The following LYST variants were observed in gnomAD, a reference collection of about 807,000 sequenced individuals.
LYST encodes lysosomal trafficking regulator, also known as lysosomal-trafficking regulator.
In LYST, 192 loss-of-function variants were observed where a neutral mutation model predicts 413.6. That is an observed-to-expected ratio of 0.46 (90% CI 0.41 to 0.52). The LOEUF (loss-of-function observed/expected upper bound fraction) is 0.52. Ranked by LOEUF, LYST falls within the 20% of genes least tolerant of loss-of-function variation. LYST has a pLI of 0.00. For synonymous variants in LYST, 1,525 were observed against 1,567.3 expected (o/e 0.97, Z 0.64); for missense variants, 3,815 against 4,499.9 (o/e 0.85, Z 4.35).
chr1:235,850,356 A>C (rs533849945), intron 1 of LYST, among the ~76,000 whole-genome samples: 3 of 152,292 alleles, frequency 2.0e-5, no homozygotes, highest in African/African-American at 7.2e-5. Context: ...CTCATCTCTC[A>C]CCTTATACAA....
chr1:235,853,481 T>G (rs1678790229), intron 1 of LYST, among the ~76,000 whole-genome samples: 1 of 150,258 alleles, frequency 6.7e-6, no homozygotes, highest in Non-Finnish European at 1.5e-5. Flanking sequence ...TGTAGAATTG[T>G]GTAAAGAAAA....
At position 235,803,028 on chromosome 1, in the gene LYST, C is replaced by T. The variant is rs1672418313; in HGVS notation, c.3592G>A (p.Gly1198Ser). 1.2e-6 allele frequency: 2 copies of T among 1,613,158 alleles called. No homozygotes were observed. Among genetic ancestry groups the T allele is most frequent in the Non-Finnish European group, 1.7e-6 (2 of 1,179,654 alleles). ...QSAEELSSQP[G>S]DFSEEAEDSQ... The stretch of plus-strand genomic sequence containing the variant: ...TCCTCAGCTTCTTCTGAAAAATCAC[C>T]AGGCTGGGATGACAATTCTTCTGCA... Residue 1198 changes from glycine (G) to serine (S), a missense_variant, in exon 8 of 53, where the codon GGT (glycine) becomes AGT (serine). Transcript: ENST00000389793.
chr1:235,866,057 A>G (rs535577963), intron 1 of LYST, among the ~76,000 whole-genome samples: 2 of 152,346 alleles, frequency 1.3e-5, no homozygotes, highest in African/African-American at 4.8e-5. Flanking sequence ...GATAAGAATT[A>G]GCGTTAAGGA....
intron 16 of LYST, among the ~76,000 whole-genome samples, chr1:235,780,604 G>T (rs966564666): frequency 6.6e-6 from 1 of 151,690 alleles, no homozygotes; most frequent in Non-Finnish European, 1.5e-5. Flanking sequence ...TAATTAGTAG[G>T]TATAAAATAA....
chr1:235,842,621 C>T (rs1478870675), intron 1 of LYST, among the ~76,000 whole-genome samples: 1 of 152,220 alleles, frequency 6.6e-6, no homozygotes, highest in East Asian at 1.9e-4. Context: ...TGGCCTCTCT[C>T]TCAGGATTTT....
At chr1:235,807,619 T>C (rs552121774) in intron 5 of LYST, among the ~76,000 whole-genome samples, 5 of 152,326 alleles carry the variant, frequency 3.3e-5, no homozygotes, top group African/African-American at 7.2e-5. Context: ...CACGAAGATA[T>C]TGATAGGTTA....
At chr1:235,732,425 C>T (rs1243877253) in intron 34 of LYST, among the ~76,000 whole-genome samples, 2 of 152,148 alleles carry the variant, frequency 1.3e-5, no homozygotes, top group Admixed American at 6.5e-5. Context: ...GCCTCAGCCT[C>T]CCAAAGTACT....
At chr1:235,823,762 T>C (rs1291847188) in intron 3 of LYST, among the ~76,000 whole-genome samples, 1 of 152,234 alleles carries the variant, frequency 6.6e-6, no homozygotes, top group Non-Finnish European at 1.5e-5. Flanking sequence ...CCTCTTTACA[T>C]CGCCAATTCC....
At chr1:235,691,697 C>CTTTTTTTTT (rs774558822) in intron 47 of LYST, among the ~76,000 whole-genome samples, 5 of 138,200 alleles carry the variant, frequency 3.6e-5, no homozygotes, top group African/African-American at 5.7e-5. Flanking sequence ...ATCAGATTCT[C>CTTTTTTTTT]TCTTTTTTTT....
chr1:235,782,363 CG>C (rs1669957116), intron 14 of LYST, among the ~76,000 whole-genome samples: 1 of 151,574 alleles, frequency 6.6e-6, no homozygotes. Context: ...TTAGTAAAGA[CG>C]GGGTTTCACT....
intron 1 of LYST, among the ~76,000 whole-genome samples, chr1:235,879,689 G>A (rs907317878): frequency 6.6e-6 from 1 of 151,876 alleles, no homozygotes; most frequent in African/African-American, 2.4e-5. Context: ...GAGAAATATG[G>A]AACTATAAAC....
chr1:235,866,637 C>T (rs1680559550), intron 1 of LYST, among the ~76,000 whole-genome samples: 1 of 152,098 alleles, frequency 6.6e-6, no homozygotes, highest in African/African-American at 2.4e-5. Context: ...GCGAGAAGTC[C>T]CAGAGCCCAG....
chr1:235,669,317 A>G (rs73124547), intron 50 of LYST, among the ~76,000 whole-genome samples: 8,439 of 152,248 alleles, frequency 0.055, 741 homozygotes, highest in African/African-American at 0.19. Flanking sequence ...GGAACCTAAG[A>G]CAGTTTCACA....
intron 31 of LYST, chr1:235,735,918 T>C (rs936944914): frequency 2.0e-5 from 3 of 152,012 alleles, no homozygotes; most frequent in African/African-American, 7.2e-5. Context: ...AGTTGGCAAA[T>C]AAATAAAAAC....
chr1:235,720,538 T>C, intron 40 of LYST, 123 bp downstream of exon 40: 1 of 922,306 alleles, frequency 1.1e-6, no homozygotes, highest in South Asian at 1.5e-5. Context: ...GTGATAGGTA[T>C]GTGGGGTCTT....
chr1:235,746,870 C>A (rs1427766449), intron 28 of LYST, among the ~76,000 whole-genome samples: 1 of 152,154 alleles, frequency 6.6e-6, no homozygotes, highest in African/African-American at 2.4e-5. Context: ...TGTTTCACTT[C>A]TTTGTATTCC....
chr1:235,698,609 A>C (rs372323232), intron 45 of LYST, among the ~76,000 whole-genome samples: 30 of 152,226 alleles, frequency 2.0e-4, no homozygotes, highest in South Asian at 1.2e-3. Flanking sequence ...CGGTGGCTCA[A>C]GCCTGTAATC....
intron 40 of LYST, among the ~76,000 whole-genome samples, chr1:235,718,259 C>T (rs550473646): frequency 6.6e-6 from 1 of 151,762 alleles, no homozygotes; most frequent in Non-Finnish European, 1.5e-5. Flanking sequence ...TACAGTTGAG[C>T]AAACAATAAA....
chr1:235,710,534 C>T (rs758339215), intron 43 of LYST, among the ~76,000 whole-genome samples: 35 of 152,232 alleles, frequency 2.3e-4, no homozygotes, highest in Middle Eastern at 3.4e-3. Flanking sequence ...AACTGACATA[C>T]GAGAGTCCCA....
Sources: allele counts gnomAD v4.1 joint callset (sites outside exome capture counted in the v4.1 genomes callset), GRCh38; gene constraint gnomAD v4.1.1; transcripts MANE v1.5; gene names NCBI Gene and HGNC (gene_info 2026-07-23, HGNC 2026-07-21).